Variants in MACF1 observed in about 807,000 individuals in gnomAD.
MACF1 encodes the protein microtubule actin crosslinking factor 1, also known as microtubule-actin cross-linking factor 1.
A neutral mutation model predicts 854.8 loss-of-function variants in MACF1; 193 were observed. The ratio of observed to expected loss-of-function variants is 0.23; its 90% CI spans 0.20 to 0.25. MACF1 has a LOEUF of 0.25. Ranked by LOEUF, MACF1 falls within the 10% of genes least tolerant of loss-of-function variation. The probability of loss-of-function intolerance (pLI) is 1.00; values close to 1 mark genes in which losing one functional copy is unlikely to be tolerated. For synonymous variants in MACF1, 3,185 were observed against 3,226.7 expected, an observed-to-expected ratio of 0.99 and a Z score of 0.44; for missense variants, 7,722 against 8,929.1, an observed-to-expected ratio of 0.86 and a Z score of 5.45.
intron 22 of MACF1, 64 bp from the exon 23 acceptor site, chr1:39,302,860 G>A: frequency 2.1e-6 from 3 of 1,459,838 alleles, no homozygotes; most frequent in Non-Finnish European, 2.8e-6. Flanking sequence ...TTGGGATGAG[G>A]CACCAGGAAA....
intron 2 of MACF1, among the ~76,000 whole-genome samples, chr1:39,093,939 T>C (rs1298398689): frequency 6.6e-6 from 1 of 151,916 alleles, no homozygotes; most frequent in Non-Finnish European, 1.5e-5. Context: ...CCACCACACC[T>C]GGCTAATTTT....
At chr1:39,214,983 C>T (rs527764347) in intron 1 of MACF1, among the ~76,000 whole-genome samples, 1 of 152,338 alleles carries the variant, frequency 6.6e-6, no homozygotes, top group South Asian at 2.1e-4. Context: ...TGGAGGGTAA[C>T]TCAAAGACCA....
At chr1:39,286,574 C>A (rs773561233) in intron 14 of MACF1, among the ~76,000 whole-genome samples, 20 of 151,480 alleles carry the variant, frequency 1.3e-4, no homozygotes, top group Non-Finnish European at 2.1e-4. Context: ...CCAAGAAATT[C>A]TCTTGCCTCA....
rs368610318 is a variant in MACF1 at position 39,462,167 on chromosome 1, T to C, written c.21678+130T>C. On this transcript the variant is annotated intron_variant, in intron 93 of 100. Transcript: ENST00000564288. ...GGAGATAATTATTTGGAGTTCTATT[T>C]TGAGATCTCTTTTTGGATAGCATTT... 8.8e-5 allele frequency: 77 copies of C among 873,452 alleles called. 1 individual carries two copies. In the African/African-American group the frequency reaches 1.2e-3, roughly 14 times the overall value. The allele number at this position is 873,452 out of a possible 1,614,324, so 54.1% of individuals were successfully genotyped here.
chr1:39,162,202 A>G (rs1643813145), intron 2 of MACF1, among the ~76,000 whole-genome samples: 1 of 152,098 alleles, frequency 6.6e-6, no homozygotes, highest in Non-Finnish European at 1.5e-5. Context: ...GGGTTTCGCC[A>G]TGTTGGCCAG....
intron 2 of MACF1, among the ~76,000 whole-genome samples, chr1:39,121,279 T>G (rs1018518694): frequency 6.6e-6 from 1 of 152,042 alleles, no homozygotes. Context: ...TTTAAAAAAG[T>G]TTAAATAAAA....
intron 98 of MACF1, 81 bp from the exon 99 acceptor site, chr1:39,480,838 AT>A (rs889933458): frequency 2.8e-4 from 202 of 715,124 alleles, no homozygotes; most frequent in South Asian, 4.9e-4. Flanking sequence ...TCTTCTATTT[AT>A]TTTTTTCTGT....
intron 2 of MACF1, among the ~76,000 whole-genome samples, chr1:39,232,120 T>A (rs1224444915): frequency 6.8e-6 from 1 of 147,990 alleles, no homozygotes; most frequent in African/African-American, 2.5e-5. Context: ...ATATTAGATA[T>A]ATAAAATATA....
rs775370051 is a variant in MACF1 at position 39,317,333 on chromosome 1, T to C, written c.3708T>C (p.Asp1236=). 1 of 1,613,898 alleles carries C rather than the reference T, an allele frequency of 6.2e-7. No homozygotes were observed. Among genetic ancestry groups the C allele is most frequent in the East Asian group, 2.2e-5 (1 of 44,876 alleles). ...GTCTGACACCAGAGCGAAATCTGGA[T>C]TTGGAGCGCTATCAGGAAAAAGGCT... ...MSRLTPERNL[D]LERYQEKGSQ... Residue 1236 remains aspartate, a synonymous_variant, in exon 29 of 101, where the codon GAT becomes GAC. Coordinates refer to ENST00000564288, the MANE Select transcript of MACF1 (RefSeq NM_001394062.1).
chr1:39,189,373 G>T (rs1313076142), intron 2 of MACF1, among the ~76,000 whole-genome samples: 2 of 152,170 alleles, frequency 1.3e-5, no homozygotes, highest in Admixed American at 6.5e-5. Flanking sequence ...CTGTGGGTTT[G>T]TGCCATTTTA....
intron 58 of MACF1, among the ~76,000 whole-genome samples, chr1:39,406,741 A>AC (rs1397340585): frequency 8.9e-5 from 13 of 146,294 alleles, no homozygotes; most frequent in African/African-American, 3.5e-4. Flanking sequence ...TCTCACTCAA[A>AC]AAAAAAAAAA....
At chr1:39,306,411 A>AGCCCAC (rs1646178115) in intron 23 of MACF1, among the ~76,000 whole-genome samples, 1 of 152,096 alleles carries the variant, frequency 6.6e-6, no homozygotes, top group African/African-American at 2.4e-5. Context: ...TACAGGCGTG[A>AGCCCAC]GCCACTGCAC....
At chr1:39,465,043 C>T in intron 94 of MACF1, 52 bp from the exon 95 acceptor site, 2 of 1,534,908 alleles carry the variant, frequency 1.3e-6, no homozygotes, top group Non-Finnish European at 9.0e-7. Flanking sequence ...ACAAAATGTT[C>T]TCTTTTTTTT....
Position 39,300,294 on chromosome 1 carries a change from C to T in MACF1, c.2566C>T (p.Arg856Cys), listed in dbSNP as rs536718734. 1.5e-5 allele frequency: 25 copies of T among 1,614,032 alleles called. No individual in the cohort carries two copies. Among genetic ancestry groups the T allele is most frequent in the South Asian group, 1.1e-5 (1 of 91,056 alleles). The change falls in exon 22 of 101, where the codon CGC becomes TGC. Residue 856 changes from arginine to cysteine, a missense_variant. Coordinates refer to ENST00000564288, the MANE Select transcript of MACF1 (RefSeq NM_001394062.1). ...RSKTIVQLKPRSPDHVLKNTI... is the reference protein window; with the variant it reads ...RSKTIVQLKPCSPDHVLKNTI... ...AAAAACCATCGTTCAGCTAAAACCACGCAGTCCAGACCATGTGTTAAAGAA... is the reference window on the plus strand; with the variant it reads ...AAAAACCATCGTTCAGCTAAAACCATGCAGTCCAGACCATGTGTTAAAGAA...
chr1:39,320,917 G>T (rs11805542), intron 31 of MACF1, among the ~76,000 whole-genome samples: 1 of 152,152 alleles, frequency 6.6e-6, no homozygotes, highest in Admixed American at 6.5e-5. Flanking sequence ...CTATTGAGCC[G>T]TGATTGTGTC....
chr1:39,347,862 CA>C (rs902587424), intron 41 of MACF1, among the ~76,000 whole-genome samples: 1 of 151,046 alleles, frequency 6.6e-6, no homozygotes, highest in African/African-American at 2.5e-5. Flanking sequence ...AACAAACAAA[CA>C]AAAAACTAAC....
In MACF1 at chr1:39,435,716, C is replaced by A; in HGVS notation, c.17943C>A (p.Arg5981=). The A allele has an allele frequency of 6.2e-7, 1 of 1,614,092 alleles. No individual in the cohort carries two copies. The highest frequency in any genetic ancestry group is 8.5e-7 in the Non-Finnish European group (1 of 1,179,988). ...ATGCCCAAATAAAGGAGGAGGTGCG[C>A]CAGCGAGCCCTGGCTCTGGATGAAG... ...NMYAQIKEEV[R]QRALALDEAV... is the part of the protein sequence containing the mutation. Residue 5981 remains arginine (R), a synonymous_variant, in exon 70 of 101, where the codon CGC becomes CGA. Transcript: ENST00000564288.
chr1:39,135,916 G>C (rs1290759272), intron 2 of MACF1, among the ~76,000 whole-genome samples: 1 of 152,194 alleles, frequency 6.6e-6, no homozygotes, highest in Non-Finnish European at 1.5e-5. Context: ...GAGGTCGAAG[G>C]CTGAGAGAGA....
At chr1:39,259,545 A>G (rs1645134815) in intron 6 of MACF1, among the ~76,000 whole-genome samples, 2 of 152,298 alleles carry the variant, frequency 1.3e-5, no homozygotes, top group Middle Eastern at 3.4e-3. Flanking sequence ...TACAGGCGTG[A>G]GCCACCGTAC....
Sources: allele counts gnomAD v4.1 joint callset (sites outside exome capture counted in the v4.1 genomes callset), GRCh38; gene constraint gnomAD v4.1.1; transcripts MANE v1.5; gene names NCBI Gene and HGNC (gene_info 2026-07-23, HGNC 2026-07-21).